Variants in MYO9A observed in about 807,000 individuals in gnomAD.
MYO9A encodes the protein myosin IXA.
A neutral mutation model predicts 293.3 loss-of-function variants in MYO9A; 103 were observed. The observed-to-expected ratio is 0.35, with a 90% CI of 0.30 to 0.41. The LOEUF (loss-of-function observed/expected upper bound fraction) is 0.41. MYO9A is among the 10% of genes least tolerant of loss of function. The probability of loss-of-function intolerance (pLI) is 1.00; values close to 1 mark genes in which losing one functional copy is unlikely to be tolerated. For synonymous variants in MYO9A, 1,001 were observed against 1,035.7 expected (o/e 0.97, Z 0.64); for missense variants, 2,685 against 3,033.0 (o/e 0.89, Z 2.69).
intron 38 of MYO9A, among the ~76,000 whole-genome samples, chr15:71,849,671 A>C (rs1210059370): frequency 6.6e-6 from 1 of 150,804 alleles, no homozygotes; most frequent in Admixed American, 6.7e-5. Context: ...GACCAAGGTG[A>C]AATACAGGAA....
At chr15:72,064,393 T>C (rs1205424719) in intron 1 of MYO9A, among the ~76,000 whole-genome samples, 1 of 152,194 alleles carries the variant, frequency 6.6e-6, no homozygotes, top group African/African-American at 2.4e-5. Flanking sequence ...GTGATTATTA[T>C]ACACCGTATG....
At chr15:71,927,216 G>A (rs1012706244) in intron 18 of MYO9A, among the ~76,000 whole-genome samples, 3 of 152,076 alleles carry the variant, frequency 2.0e-5, no homozygotes, top group Non-Finnish European at 4.4e-5. Context: ...TTGCTTTTTT[G>A]CTATTAAGTT....
At chr15:71,991,814 C>T (rs1596333251) in intron 10 of MYO9A, among the ~76,000 whole-genome samples, 1 of 152,168 alleles carries the variant, frequency 6.6e-6, no homozygotes, top group Admixed American at 6.5e-5. Flanking sequence ...AGTACAGTGA[C>T]GTGATCTCAG....
At chr15:71,931,955 C>T (rs936499282) in intron 18 of MYO9A, among the ~76,000 whole-genome samples, 2 of 150,990 alleles carry the variant, frequency 1.3e-5, no homozygotes, top group South Asian at 2.1e-4. Context: ...TGCCAAGTTC[C>T]GTTAGTACCT....
chr15:71,852,706 A>G (rs2055706099), intron 35 of MYO9A, among the ~76,000 whole-genome samples: 2 of 152,156 alleles, frequency 1.3e-5, no homozygotes, highest in African/African-American at 4.8e-5. Context: ...ATTTTCCACA[A>G]TGTAATTCCA....
intron 12 of MYO9A, among the ~76,000 whole-genome samples, chr15:71,971,467 G>A (rs1342132404): frequency 1.3e-5 from 2 of 151,658 alleles, no homozygotes; most frequent in Non-Finnish European, 2.9e-5. Flanking sequence ...TGTGCCTGTA[G>A]TCCCAGCTAC....
chr15:71,858,837 T>C (rs1310754403), intron 34 of MYO9A, among the ~76,000 whole-genome samples: 1 of 150,900 alleles, frequency 6.6e-6, no homozygotes. Context: ...ACATGTACTC[T>C]AGAACTTAAA....
chr15:71,846,352 G>C (rs1023330021), intron 39 of MYO9A, among the ~76,000 whole-genome samples: 2 of 152,106 alleles, frequency 1.3e-5, no homozygotes, highest in African/African-American at 2.4e-5. Flanking sequence ...CTCAACATCA[G>C]GGGAGAAAGG....
chr15:71,968,237 G>C, intron 12 of MYO9A, 112 bp from the exon 13 acceptor site: 2 of 853,664 alleles, frequency 2.3e-6, no homozygotes, highest in Non-Finnish European at 3.3e-6. Context: ...TTACATAGCA[G>C]TTTACAAAAG....
intron 11 of MYO9A, among the ~76,000 whole-genome samples, chr15:71,978,979 T>G (rs2076209409): frequency 6.6e-6 from 1 of 151,964 alleles, no homozygotes; most frequent in Non-Finnish European, 1.5e-5. Flanking sequence ...CACCTGAGAA[T>G]GTAAAGGAGA....
chr15:71,991,985 G>A (rs1224960286), intron 10 of MYO9A, among the ~76,000 whole-genome samples: 1 of 152,050 alleles, frequency 6.6e-6, no homozygotes, highest in Non-Finnish European at 1.5e-5. Context: ...AAACTCCTGA[G>A]TGCAGGTGAT....
At chr15:71,901,429 G>C in intron 22 of MYO9A, 89 bp from the exon 23 acceptor site, 3 of 1,358,276 alleles carry the variant, frequency 2.2e-6, no homozygotes, top group Non-Finnish European at 3.0e-6. Context: ...TAAGCTTTTA[G>C]AGAAGAACAA....
chr15:71,919,747 C>T (rs1396226236), intron 18 of MYO9A, among the ~76,000 whole-genome samples: 1 of 139,456 alleles, frequency 7.2e-6, no homozygotes, highest in Non-Finnish European at 1.5e-5. Context: ...GAGGCTGAGG[C>T]AGAAGAATCG....
At chr15:72,066,305 G>C (rs553781115) in intron 1 of MYO9A, among the ~76,000 whole-genome samples, 1 of 152,098 alleles carries the variant, frequency 6.6e-6, no homozygotes, top group South Asian at 2.1e-4. Context: ...TAGCCAACAT[G>C]GTGAAACCCG....
intron 1 of MYO9A, among the ~76,000 whole-genome samples, chr15:72,113,392 CGAGA>C (rs954636616): frequency 3.3e-5 from 5 of 151,970 alleles, no homozygotes; most frequent in African/African-American, 1.2e-4. Context: ...ATGTAAAAGA[CGAGA>C]GAGAAAGCAC....
At chr15:71,934,078 T>C (rs79977695) in intron 17 of MYO9A, among the ~76,000 whole-genome samples, 2,835 of 152,214 alleles carry the variant, frequency 0.019, 96 homozygotes, top group African/African-American at 0.065. Context: ...CTAAGTTTCA[T>C]AAATTTTAAA....
chr15:72,043,079 C>CAA (rs71438543), intron 2 of MYO9A, among the ~76,000 whole-genome samples: 4 of 143,934 alleles, frequency 2.8e-5, no homozygotes, highest in African/African-American at 1.0e-4. Context: ...AAAAAACAAA[C>CAA]AAAAAAAAAA....
intron 12 of MYO9A, among the ~76,000 whole-genome samples, chr15:71,970,777 G>C (rs1173199150): frequency 6.6e-6 from 1 of 152,156 alleles, no homozygotes; most frequent in Non-Finnish European, 1.5e-5. Flanking sequence ...TAATTATAAA[G>C]TTCTTCATTT....
chr15:71,871,380 A>G (rs989988694), intron 32 of MYO9A, among the ~76,000 whole-genome samples: 4 of 151,952 alleles, frequency 2.6e-5, no homozygotes, highest in African/African-American at 9.7e-5. Context: ...GTCTCAAAAA[A>G]AGAAAGAAAG....
Sources: gnomAD v4.1 joint callset for allele counts (sites outside exome capture counted in the v4.1 genomes callset) on GRCh38, gnomAD v4.1.1 for gene constraint, MANE v1.5 for transcripts, NCBI Gene and HGNC (gene_info 2026-07-23, HGNC 2026-07-21) for gene names.